DCAF6: variants seen among roughly 807,000 people sequenced by gnomAD.
DCAF6 encodes the protein DDB1- and CUL4-associated factor 6.
A neutral mutation model predicts 125.1 loss-of-function variants in DCAF6; 54 were observed. The observed-to-expected ratio is 0.43, with a 90% confidence interval of 0.35 to 0.54. The LOEUF (loss-of-function observed/expected upper bound fraction) is 0.54. Among genes scored for constraint, DCAF6 ranks in the 20% least tolerant of loss-of-function variants. The pLI is 0.01. For synonymous variants in DCAF6, 371 were observed against 390.4 expected, an observed-to-expected ratio of 0.95 and a Z score of 0.58; for missense variants, 934 against 1,161.7, an observed-to-expected ratio of 0.80 and a Z score of 2.85.
chr1:168,016,849 G>A (rs1358322433), intron 11 of DCAF6, among the ~76,000 whole-genome samples: 1 of 151,992 alleles, frequency 6.6e-6, no homozygotes, highest in Non-Finnish European at 1.5e-5. Flanking sequence ...TGTTTGATAT[G>A]CTTTCTTCTG....
At chr1:168,041,553 G>A (rs987396164) in intron 13 of DCAF6, among the ~76,000 whole-genome samples, 1 of 151,822 alleles carries the variant, frequency 6.6e-6, no homozygotes, top group Non-Finnish European at 1.5e-5. Flanking sequence ...TTCCCATAAA[G>A]TATAACGTGA....
At chr1:168,029,493 G>T (rs1332731425) in intron 12 of DCAF6, among the ~76,000 whole-genome samples, 1 of 152,186 alleles carries the variant, frequency 6.6e-6, no homozygotes. Context: ...TGTACTGGGA[G>T]CATTGAGTTG....
intron 1 of DCAF6, among the ~76,000 whole-genome samples, chr1:167,949,309 GT>G (rs1013761831): frequency 2.0e-5 from 3 of 152,252 alleles, no homozygotes; most frequent in South Asian, 2.1e-4. Context: ...GGCACTAGTC[GT>G]TTTGTTCTGG....
chr1:167,925,300 C>T, the DCAF6 span, among the ~76,000 whole-genome samples: 1 of 151,508 alleles, frequency 6.6e-6, no homozygotes, highest in Non-Finnish European at 1.5e-5. Context: ...ACTATTCATA[C>T]TTGTACCCCT....
At chr1:168,068,953 AAAG>A (rs1692703583) in intron 21 of DCAF6, among the ~76,000 whole-genome samples, 1 of 150,038 alleles carries the variant, frequency 6.7e-6, no homozygotes, top group Non-Finnish European at 1.5e-5. Flanking sequence ...ATTTATAACA[AAAG>A]AAAAGGTCTA....
the DCAF6 span, chr1:167,905,295 CT>C: frequency 1.1e-6 from 1 of 938,842 alleles, no homozygotes; most frequent in Non-Finnish European, 1.7e-6. Context: ...CTGCGGCCTG[CT>C]TATAGTGGTG....
At chr1:167,959,550 C>G (rs527889518) in intron 2 of DCAF6, among the ~76,000 whole-genome samples, 16 of 152,300 alleles carry the variant, frequency 1.1e-4, no homozygotes, top group South Asian at 8.3e-4. Flanking sequence ...TGCTCCACAT[C>G]CTTGCCAGTA....
At chr1:167,890,847 G>A in the DCAF6 span, among the ~76,000 whole-genome samples, 2 of 152,126 alleles carry the variant, frequency 1.3e-5, no homozygotes, top group Non-Finnish European at 2.9e-5. Flanking sequence ...CCATTTTACC[G>A]ATTAGATAAC....
intron 8 of DCAF6, among the ~76,000 whole-genome samples, chr1:168,002,826 G>C (rs886408334): frequency 2.0e-5 from 3 of 152,116 alleles, no homozygotes; most frequent in African/African-American, 4.8e-5. Context: ...CATTCCCACT[G>C]AAAGTATAAG....
chr1:167,901,800 C>T, the DCAF6 span: 1 of 1,614,218 alleles, frequency 6.2e-7, no homozygotes, highest in Non-Finnish European at 8.5e-7. Flanking sequence ...GCTAGCAGTG[C>T]ATCACCTTCA....
At chr1:168,074,394 C>A (rs747360905) in intron 21 of DCAF6, among the ~76,000 whole-genome samples, 1 of 152,088 alleles carries the variant, frequency 6.6e-6, no homozygotes, top group East Asian at 1.9e-4. Context: ...CTAGTTCCAT[C>A]TCAGTGATGG....
chr1:167,991,254 A>T lies in DCAF6; in HGVS notation c.603A>T (p.Pro201=), dbSNP rs780053774. 5 of 1,613,222 alleles carry T rather than the reference A, an allele frequency of 3.1e-6. No homozygotes were observed. In the Admixed American group the frequency reaches 8.3e-5, roughly 27 times the overall value. The stretch of plus-strand genomic sequence containing the variant: ...CTGCCACGTCTGTTGCTATTTGCCC[A>T]CCAATACCATATTACCTTGCTGTTG... ...RRAATSVAIC[P]PIPYYLAVGC... The change falls in exon 6 of 22, where the codon CCA becomes CCT. Residue 201 remains proline, a synonymous_variant. Coordinates refer to ENST00000367840, the MANE Select transcript of DCAF6 (RefSeq NM_001198956.2).
At chr1:168,052,873 C>G (rs1690125776) in intron 17 of DCAF6, among the ~76,000 whole-genome samples, 1 of 152,128 alleles carries the variant, frequency 6.6e-6, no homozygotes, top group African/African-American at 2.4e-5. Context: ...CAGTAGTTCT[C>G]CATTGTTTAT....
intron 10 of DCAF6, among the ~76,000 whole-genome samples, chr1:168,006,256 G>T (rs374639696): frequency 2.0e-5 from 3 of 151,780 alleles, no homozygotes; most frequent in African/African-American, 7.3e-5. Flanking sequence ...AGTATTAAAT[G>T]TGACAATCAT....
At chr1:168,003,733 C>T (rs950366947) in intron 8 of DCAF6, 137 bp from the exon 9 acceptor site, 2 of 701,870 alleles carry the variant, frequency 2.8e-6, no homozygotes, top group Non-Finnish European at 4.5e-6. Flanking sequence ...GATTTATATA[C>T]ATTCATACAA....
chr1:168,015,156 A>G (rs1192995343), intron 10 of DCAF6, among the ~76,000 whole-genome samples: 2 of 152,220 alleles, frequency 1.3e-5, no homozygotes, highest in African/African-American at 4.8e-5. Flanking sequence ...GCAGAATTTA[A>G]TGTTATTTTT....
the DCAF6 span, among the ~76,000 whole-genome samples, chr1:167,871,775 G>A: frequency 6.6e-6 from 1 of 151,884 alleles, no homozygotes. Context: ...TCTGAGTATG[G>A]CTTAGTGAGA....
chr1:167,921,189 A>C, the DCAF6 span, among the ~76,000 whole-genome samples: 1 of 152,038 alleles, frequency 6.6e-6, no homozygotes, highest in Non-Finnish European at 1.5e-5. Context: ...TAAAAGTATA[A>C]ATATCAGAAA....
At chr1:167,947,730 G>A (rs1673286748) in intron 1 of DCAF6, among the ~76,000 whole-genome samples, 1 of 152,100 alleles carries the variant, frequency 6.6e-6, no homozygotes, top group Non-Finnish European at 1.5e-5. Flanking sequence ...GTCTGAGAAG[G>A]CACTTGATGT....
Sources: allele counts gnomAD v4.1 joint callset (sites outside exome capture counted in the v4.1 genomes callset), GRCh38; gene constraint gnomAD v4.1.1; transcripts MANE v1.5; gene names NCBI Gene and HGNC (gene_info 2026-07-23, HGNC 2026-07-21).